Variants in TULP4 observed in about 807,000 individuals in gnomAD.
The protein encoded by TULP4 is TUB like protein 4.
TULP4 carries 16 observed loss-of-function variants against 129.0 expected under a neutral mutation model. The ratio of observed to expected loss-of-function variants is 0.12; its 90% CI spans 0.08 to 0.19. The LOEUF (loss-of-function observed/expected upper bound fraction) is 0.19. TULP4 is among the 10% of genes least tolerant of loss of function. TULP4 has a pLI of 1.00. For missense variants in TULP4, 1,842 were observed against 2,059.1 expected, an observed-to-expected ratio of 0.89 and a Z score of 2.04; for synonymous variants, 998 against 854.0, an observed-to-expected ratio of 1.17 and a Z score of -2.94.
upstream of TULP4, among the ~76,000 whole-genome samples, chr6:158,279,794 C>T (rs1778717233): frequency 6.6e-6 from 1 of 152,220 alleles, no homozygotes; most frequent in African/African-American, 2.4e-5. Context: ...TATTCATTCT[C>T]TTCCAAGAAG....
At chr6:158,331,031 G>C (rs148315376) in intron 1 of TULP4, among the ~76,000 whole-genome samples, 418 of 152,258 alleles carry the variant, frequency 2.7e-3, no homozygotes, top group African/African-American at 9.5e-3. Flanking sequence ...CCTCATTGGT[G>C]ATGTTAATTT....
chr6:158,447,238 C>T (rs565021992), intron 3 of TULP4, among the ~76,000 whole-genome samples: 7 of 152,324 alleles, frequency 4.6e-5, no homozygotes, highest in Middle Eastern at 3.4e-3. Flanking sequence ...TGTCTTGACC[C>T]TACGCCTGTG....
chr6:158,303,368 T>C (rs1231718501), intron 1 of TULP4, among the ~76,000 whole-genome samples: 1 of 152,138 alleles, frequency 6.6e-6, no homozygotes, highest in Non-Finnish European at 1.5e-5. Context: ...AGGACCGTGA[T>C]GCCCGCCTGA....
chr6:158,248,241 A>G (rs1778065146), intron 1 of TULP4, among the ~76,000 whole-genome samples: 1 of 151,058 alleles, frequency 6.6e-6, no homozygotes, highest in Non-Finnish European at 1.5e-5. Flanking sequence ...CAGGAGTTGG[A>G]GACCAGCCTG....
chr6:158,276,072 C>G (rs779365818), intron 1 of TULP4, among the ~76,000 whole-genome samples: 2 of 152,098 alleles, frequency 1.3e-5, no homozygotes, highest in Admixed American at 6.5e-5. Flanking sequence ...AGAGTTTAAG[C>G]GACTCTCCTG....
At chr6:158,428,203 G>A (rs574320860) in intron 2 of TULP4, 3 of 152,306 alleles carry the variant, frequency 2.0e-5, no homozygotes, top group African/African-American at 7.2e-5. Flanking sequence ...AAAATACATA[G>A]TCAGATGATT....
intron 1 of TULP4, among the ~76,000 whole-genome samples, chr6:158,344,012 C>T (rs1234767298): frequency 1.3e-5 from 2 of 152,172 alleles, no homozygotes; most frequent in African/African-American, 4.8e-5. Context: ...GACATTCCAC[C>T]ATCGTGATTT....
chr6:158,267,451 T>C (rs1171441905), intron 1 of TULP4, among the ~76,000 whole-genome samples: 1 of 151,990 alleles, frequency 6.6e-6, no homozygotes, highest in Non-Finnish European at 1.5e-5. Context: ...CCAAAGGAGG[T>C]TGTCCTTGCC....
At chr6:158,398,777 T>G (rs1777777871) in intron 1 of TULP4, among the ~76,000 whole-genome samples, 1 of 152,248 alleles carries the variant, frequency 6.6e-6, no homozygotes, top group Admixed American at 6.5e-5. Flanking sequence ...TTAATAGAAT[T>G]TTCTTATCTT....
At chr6:158,242,166 G>A in intron 1 of TULP4, 2 of 1,117,976 alleles carry the variant, frequency 1.8e-6, no homozygotes, top group Admixed American at 3.5e-5. Context: ...CTGCCTGTGG[G>A]TCTTCCTCAG....
chr6:158,278,709 C>T (rs139281315), upstream of TULP4, among the ~76,000 whole-genome samples: 15 of 152,054 alleles, frequency 9.9e-5, no homozygotes, highest in African/African-American at 3.4e-4. Context: ...TAATAGGTGC[C>T]AGCAAGTATT....
At chr6:158,447,637 T>C (rs1779081293) in intron 3 of TULP4, among the ~76,000 whole-genome samples, 1 of 152,188 alleles carries the variant, frequency 6.6e-6, no homozygotes, top group Non-Finnish European at 1.5e-5. Context: ...AAAGCTCTGT[T>C]AGGTGCCACA....
intron 9 of TULP4, among the ~76,000 whole-genome samples, chr6:158,491,428 T>TTGAGGAGTCTCG (rs1562589123): frequency 4.7e-5 from 6 of 127,222 alleles, no homozygotes; most frequent in African/African-American, 5.2e-5. Flanking sequence ...TTTCTTTCTT[T>TTGAGGAGTCTCG]CTTTCTTTCT....
chr6:158,370,483 A>AG (rs1562538842), intron 1 of TULP4, among the ~76,000 whole-genome samples: 19 of 148,834 alleles, frequency 1.3e-4, no homozygotes, highest in African/African-American at 3.9e-4. Flanking sequence ...AAAAAAAAAA[A>AG]GATTGTGGCA....
intron 1 of TULP4, among the ~76,000 whole-genome samples, chr6:158,329,393 T>C (rs113738428): frequency 0.013 from 1,951 of 151,998 alleles, 44 homozygotes; most frequent in African/African-American, 0.045. Flanking sequence ...TTGTATGTTT[T>C]AGCTCTGTTC....
At chr6:158,378,645 C>T (rs1012197694) in intron 1 of TULP4, among the ~76,000 whole-genome samples, 5 of 151,840 alleles carry the variant, frequency 3.3e-5, no homozygotes, top group East Asian at 1.9e-4. Flanking sequence ...CCACTGTGCC[C>T]GGCTGATTTT....
chr6:158,446,791 G>A (rs1019100645), intron 3 of TULP4, among the ~76,000 whole-genome samples: 2 of 152,136 alleles, frequency 1.3e-5, no homozygotes, highest in Non-Finnish European at 2.9e-5. Context: ...GTTCTCCCTG[G>A]GTCCTCACAT....
Position 158,507,815 on chromosome 6 carries a change from A to G in TULP4, c.*1121A>G, listed in dbSNP as rs1780639513. 6.6e-6 allele frequency: 1 copy of G among 152,206 alleles called. No homozygotes were observed. Among genetic ancestry groups the G allele is most frequent in the South Asian group, 2.1e-4 (1 of 4,832 alleles). 9.4% of individuals were successfully genotyped at this position (152,206 alleles called of 1,614,324 possible). ...CTACATTAAAATTCAGTTGACTACA[A>G]ATGCTTTCTATCAAATTAGAAATGT... On this transcript the variant is annotated 3_prime_UTR_variant, in exon 14 of 14. Coordinates refer to ENST00000367097, the MANE Select transcript of TULP4 (RefSeq NM_020245.5).
intron 3 of TULP4, among the ~76,000 whole-genome samples, chr6:158,444,103 C>T (rs1370525132): frequency 1.3e-5 from 2 of 151,522 alleles, no homozygotes; most frequent in Non-Finnish European, 2.9e-5. Flanking sequence ...GCCTGTAGTC[C>T]CAGCTACTCG....
Sources: gnomAD v4.1 joint callset for allele counts (sites outside exome capture counted in the v4.1 genomes callset) on GRCh38, gnomAD v4.1.1 for gene constraint, MANE v1.5 for transcripts, NCBI Gene and HGNC (gene_info 2026-07-23, HGNC 2026-07-21) for gene names.